Variants in NKAIN2 observed in about 807,000 individuals in gnomAD.
NKAIN2 encodes sodium/potassium transporting ATPase interacting 2, also known as sodium/potassium-transporting ATPase subunit beta-1-interacting protein 2.
A neutral mutation model predicts 32.6 loss-of-function variants in NKAIN2; 14 were observed. The observed-to-expected ratio is 0.43, with a 90% CI of 0.28 to 0.67. The LOEUF is 0.67. Among genes scored for constraint, NKAIN2 ranks in the 30% least tolerant of loss-of-function variants. The pLI, the probability that NKAIN2 is intolerant of heterozygous loss-of-function variation, is 0.17. For missense variants in NKAIN2, 198 were observed against 258.3 expected (o/e 0.77, Z 1.60); for synonymous variants, 80 against 87.2 (o/e 0.92, Z 0.46).
At chr6:123,806,120 T>C (rs147408753) in intron 1 of NKAIN2, among the ~76,000 whole-genome samples, 1 of 152,270 alleles carries the variant, frequency 6.6e-6, no homozygotes, top group East Asian at 1.9e-4. Context: ...CTTGAGTACA[T>C]GCATGCATCC....
In NKAIN2 at chr6:124,513,846, A is replaced by G. The variant is rs115921316; in HGVS notation, c.274-144340A>G. On this transcript the variant is annotated intron_variant, in intron 3 of 6. Coordinates refer to ENST00000368417, the MANE Select transcript of NKAIN2 (RefSeq NM_001040214.3). ...ATCCTTTAACCTAACCGGATTCCAC[A>G]TGAAATCATAACCCATAATGTGGGA... 2.6e-3 allele frequency among the ~76,000 whole-genome samples: 389 copies of G among 152,288 alleles called. 1 individual carries two copies. Among genetic ancestry groups the G allele is most frequent in the African/African-American group, 6.9e-3 (287 of 41,562 alleles).
intron 1 of NKAIN2, among the ~76,000 whole-genome samples, chr6:124,105,887 G>A (rs940218383): frequency 2.0e-5 from 3 of 152,110 alleles, no homozygotes; most frequent in Non-Finnish European, 2.9e-5. Context: ...ATACCCTTTA[G>A]ATTTGTTATC....
At chr6:123,837,816 G>C (rs1301652428) in intron 1 of NKAIN2, among the ~76,000 whole-genome samples, 1 of 151,810 alleles carries the variant, frequency 6.6e-6, no homozygotes, top group Non-Finnish European at 1.5e-5. Context: ...GTTTTACTGT[G>C]GAACATTCCA....
chr6:123,858,263 C>T (rs1775642293), intron 1 of NKAIN2, among the ~76,000 whole-genome samples: 1 of 151,766 alleles, frequency 6.6e-6, no homozygotes, highest in South Asian at 2.1e-4. Flanking sequence ...TTACAGGTGC[C>T]CACCACCACA....
intron 3 of NKAIN2, among the ~76,000 whole-genome samples, chr6:124,411,470 G>T (rs1350253094): frequency 6.6e-6 from 1 of 151,966 alleles, no homozygotes; most frequent in Non-Finnish European, 1.5e-5. Flanking sequence ...TGAAATTCTG[G>T]CTTGAAAATT....
intron 3 of NKAIN2, among the ~76,000 whole-genome samples, chr6:124,558,318 G>T (rs1481773415): frequency 6.6e-6 from 1 of 152,182 alleles, no homozygotes; most frequent in Non-Finnish European, 1.5e-5. Flanking sequence ...GAAGGTCTTG[G>T]ATTGAATGGG....
intron 1 of NKAIN2, among the ~76,000 whole-genome samples, chr6:123,885,657 C>T (rs888231788): frequency 2.6e-5 from 4 of 151,936 alleles, no homozygotes; most frequent in Non-Finnish European, 5.9e-5. Flanking sequence ...GATGCAAGAA[C>T]TGCTGCCAGT....
intron 3 of NKAIN2, among the ~76,000 whole-genome samples, chr6:124,356,412 G>A (rs1483838484): frequency 6.6e-6 from 1 of 152,136 alleles, no homozygotes; most frequent in Admixed American, 6.5e-5. Context: ...AAATCATTTT[G>A]ATTTGTTTTT....
At chr6:124,538,124 T>C (rs1455753093) in intron 3 of NKAIN2, among the ~76,000 whole-genome samples, 4 of 152,120 alleles carry the variant, frequency 2.6e-5, no homozygotes, top group Admixed American at 2.6e-4. Context: ...TTTCCTATCC[T>C]TTTATAGTCA....
chr6:124,805,050 C>T (rs1446716780), intron 5 of NKAIN2, among the ~76,000 whole-genome samples: 1 of 152,206 alleles, frequency 6.6e-6, no homozygotes, highest in African/African-American at 2.4e-5. Context: ...TCTGTAGGCT[C>T]CACCTCTGGG....
chr6:124,436,421 C>T (rs556758148), intron 3 of NKAIN2, among the ~76,000 whole-genome samples: 3 of 152,098 alleles, frequency 2.0e-5, no homozygotes, highest in South Asian at 2.1e-4. Context: ...CATAAAACAC[C>T]GTGTTTTTGA....
intron 3 of NKAIN2, among the ~76,000 whole-genome samples, chr6:124,430,483 G>A (rs1395564725): frequency 6.6e-6 from 1 of 152,076 alleles, no homozygotes; most frequent in Non-Finnish European, 1.5e-5. Context: ...GGTTTGGCCT[G>A]CAGTCTTCTA....
intron 1 of NKAIN2, among the ~76,000 whole-genome samples, chr6:123,824,996 T>A (rs1295476030): frequency 6.6e-6 from 1 of 152,112 alleles, no homozygotes; most frequent in Non-Finnish European, 1.5e-5. Flanking sequence ...CCACAGAAAT[T>A]TATTTCTCAC....
At chr6:124,412,880 C>T (rs894057875) in intron 3 of NKAIN2, among the ~76,000 whole-genome samples, 7 of 152,278 alleles carry the variant, frequency 4.6e-5, no homozygotes, top group African/African-American at 1.7e-4. Context: ...ATGGCGGGCG[C>T]CCCTCCCCGA....
intron 3 of NKAIN2, among the ~76,000 whole-genome samples, chr6:124,464,776 G>A (rs1460939443): frequency 6.6e-6 from 1 of 152,048 alleles, no homozygotes; most frequent in East Asian, 1.9e-4. Flanking sequence ...TAGCCTTGTA[G>A]TATAGTTTGA....
intron 5 of NKAIN2, among the ~76,000 whole-genome samples, chr6:124,810,500 GA>G (rs1227846586): frequency 6.6e-6 from 1 of 152,122 alleles, no homozygotes; most frequent in African/African-American, 2.4e-5. Flanking sequence ...GGGGGAGCGG[GA>G]AGGGATAGCA....
intron 4 of NKAIN2, among the ~76,000 whole-genome samples, chr6:124,711,851 A>G (rs1448864797): frequency 3.9e-5 from 6 of 152,074 alleles, no homozygotes; most frequent in Admixed American, 2.0e-4. Context: ...GCTTTGTTCC[A>G]TTGCTGGTGA....
At chr6:124,797,393 A>G (rs1780051590) in intron 5 of NKAIN2, among the ~76,000 whole-genome samples, 1 of 152,214 alleles carries the variant, frequency 6.6e-6, no homozygotes, top group Admixed American at 6.5e-5. Context: ...GGAGAGAGAC[A>G]TGGAATATCA....
chr6:124,443,849 C>T (rs1775788492), intron 3 of NKAIN2, among the ~76,000 whole-genome samples: 1 of 152,016 alleles, frequency 6.6e-6, no homozygotes, highest in African/African-American at 2.4e-5. Flanking sequence ...GTTTCTTCTC[C>T]AAAATGCTGT....
Sources: gnomAD v4.1 joint callset for allele counts (sites outside exome capture counted in the v4.1 genomes callset) on GRCh38, gnomAD v4.1.1 for gene constraint, MANE v1.5 for transcripts, NCBI Gene and HGNC (gene_info 2026-07-23, HGNC 2026-07-21) for gene names.